Variants in RMI1 observed in about 807,000 individuals in gnomAD.
RMI1 encodes RecQ mediated genome instability 1, also known as recQ-mediated genome instability protein 1.
A neutral mutation model predicts 46.7 loss-of-function variants in RMI1; 36 were observed. The observed-to-expected ratio is 0.77, with a 90% confidence interval of 0.59 to 1.02. The LOEUF (loss-of-function observed/expected upper bound fraction) is 1.02. Ranked by LOEUF, RMI1 falls within the 50% of genes least tolerant of loss-of-function variation. The pLI is 0.00. For synonymous variants in RMI1, 250 were observed against 252.9 expected (o/e 0.99, Z 0.11); for missense variants, 676 against 713.7 (o/e 0.95, Z 0.60).
At chr9:83,995,711 A>C (rs1363141004) in intron 1 of RMI1, among the ~76,000 whole-genome samples, 1 of 152,212 alleles carries the variant, frequency 6.6e-6, no homozygotes, top group Non-Finnish European at 1.5e-5. Context: ...TACAGGCGTG[A>C]GCCACTGCGC....
intron 1 of RMI1, among the ~76,000 whole-genome samples, chr9:83,981,285 G>C (rs1020792285): frequency 6.6e-6 from 1 of 152,194 alleles, no homozygotes; most frequent in African/African-American, 2.4e-5. Flanking sequence ...TTGTAGTGTC[G>C]TCGCTGTAGT....
At chr9:83,981,292 T>G (rs565341433) in intron 1 of RMI1, among the ~76,000 whole-genome samples, 269 of 152,378 alleles carry the variant, frequency 1.8e-3, no homozygotes, top group African/African-American at 6.3e-3. Context: ...GTCGTCGCTG[T>G]AGTTTATTCC....
intron 1 of RMI1, among the ~76,000 whole-genome samples, chr9:83,982,882 C>G (rs1213180986): frequency 6.6e-6 from 1 of 152,082 alleles, no homozygotes; most frequent in African/African-American, 2.4e-5. Context: ...CTTTTATTCT[C>G]TGTTTGAAAT....
At chr9:83,986,356 CTT>C (rs979038254) in intron 1 of RMI1, among the ~76,000 whole-genome samples, 32 of 152,156 alleles carry the variant, frequency 2.1e-4, no homozygotes, top group African/African-American at 7.7e-4. Context: ...GCAAACCACT[CTT>C]ATAGAATGGC....
intron 1 of RMI1, among the ~76,000 whole-genome samples, chr9:83,993,607 CA>C (rs766246747): frequency 6.6e-6 from 1 of 152,054 alleles, no homozygotes; most frequent in Non-Finnish European, 1.5e-5. Context: ...TAACAGTGCA[CA>C]GGGGTTTCAA....
At chr9:83,999,024 C>A (rs989510949) in intron 1 of RMI1, among the ~76,000 whole-genome samples, 1 of 152,010 alleles carries the variant, frequency 6.6e-6, no homozygotes, top group Non-Finnish European at 1.5e-5. Context: ...ACCTGTAGTC[C>A]CAGCTACTGG....
intron 1 of RMI1, among the ~76,000 whole-genome samples, chr9:83,988,260 A>C (rs983905096): frequency 6.6e-6 from 1 of 152,128 alleles, no homozygotes. Flanking sequence ...GCTGGGTTGT[A>C]TGGTAAGTAT....
At chr9:83,985,990 CAG>C (rs1957484627) in intron 1 of RMI1, among the ~76,000 whole-genome samples, 1 of 151,456 alleles carries the variant, frequency 6.6e-6, no homozygotes, top group South Asian at 2.1e-4. Flanking sequence ...GCCTGGGCGA[CAG>C]AGCAAGACTC....
intron 1 of RMI1, among the ~76,000 whole-genome samples, chr9:83,982,637 C>T (rs527697615): frequency 1.3e-5 from 2 of 152,098 alleles, no homozygotes; most frequent in East Asian, 3.9e-4. Flanking sequence ...CACTGCACTC[C>T]AGCCTGGGCG....
intron 1 of RMI1, among the ~76,000 whole-genome samples, chr9:83,993,334 T>A (rs1036368537): frequency 6.6e-6 from 1 of 152,208 alleles, no homozygotes; most frequent in African/African-American, 2.4e-5. Context: ...AGGATTTACT[T>A]CTTTTATAAT....
At chr9:83,995,340 T>G (rs1194694220) in intron 1 of RMI1, among the ~76,000 whole-genome samples, 1 of 152,078 alleles carries the variant, frequency 6.6e-6, no homozygotes, top group Non-Finnish European at 1.5e-5. Context: ...ACCTCTTCTA[T>G]TTTTTCTTTC....
chr9:83,987,081 T>G (rs1957501848), intron 1 of RMI1, among the ~76,000 whole-genome samples: 1 of 152,164 alleles, frequency 6.6e-6, no homozygotes. Flanking sequence ...CCCTTCGCTT[T>G]CCGATGGAGT....
At position 83,995,693 on chromosome 9, in the gene RMI1, G is replaced by T. The variant is rs373869870; in HGVS notation, c.-125-4016G>T. On this transcript the variant is annotated intron_variant, in intron 1 of 2. Coordinates refer to ENST00000445877, the MANE Select transcript of RMI1 (RefSeq NM_001358291.2). Reference sequence around the variant, plus strand: ...TCCACCCACCTCGGCCTCCCAGAGTGCTGGGATTACAGGCGTGAGCCACTG... The same window carrying T: ...TCCACCCACCTCGGCCTCCCAGAGTTCTGGGATTACAGGCGTGAGCCACTG... Among the ~76,000 whole-genome samples the T allele has an allele frequency of 5.3e-5, 8 of 152,302 alleles. No individual in the cohort carries two copies. In the East Asian group the frequency reaches 1.2e-3, roughly 22 times the overall value.
At chr9:83,982,741 G>A (rs1466427999) in intron 1 of RMI1, among the ~76,000 whole-genome samples, 1 of 151,738 alleles carries the variant, frequency 6.6e-6, no homozygotes, top group Non-Finnish European at 1.5e-5. Flanking sequence ...CCCGACTGGT[G>A]TAAATTATTC....
At position 84,002,022 on chromosome 9, in the gene RMI1, G is replaced by A. The variant is rs868282159; in HGVS notation, c.1036G>A (p.Asp346Asn). 6.8e-6 allele frequency: 11 copies of A among 1,613,830 alleles called. No homozygotes were observed. The highest frequency in any genetic ancestry group is 6.7e-5 in the African/African-American group (5 of 74,916). ...LQPLTFNRNA[D>N]RSIERFSHNP... ...ACCATTGACTTTTAACAGAAATGCC[G>A]ATCGAAGTATAGAGAGATTTTCACA... The change falls in exon 3 of 3, where the codon GAT becomes AAT. Residue 346 changes from aspartate to asparagine, a missense_variant. Asp to Asn is a conservative substitution (Grantham distance 23, BLOSUM62 1). Transcript: ENST00000445877.
upstream of RMI1, chr9:83,980,385 C>T (rs1298570912): frequency 6.6e-6 from 1 of 152,634 alleles, no homozygotes; most frequent in Admixed American, 6.5e-5. Flanking sequence ...TCCCTTCGGG[C>T]TGGGAGGCCA....
chr9:83,990,085 G>A (rs554281730), intron 1 of RMI1, among the ~76,000 whole-genome samples: 4 of 152,190 alleles, frequency 2.6e-5, no homozygotes, highest in Non-Finnish European at 4.4e-5. Context: ...AGCCAAGCAC[G>A]GACATGTTGC....
chr9:83,984,286 T>G (rs971998565), intron 1 of RMI1, among the ~76,000 whole-genome samples: 3 of 151,736 alleles, frequency 2.0e-5, no homozygotes, highest in African/African-American at 4.8e-5. Context: ...TTTTTTTTTT[T>G]GAGACTGAGT....
At chr9:83,989,100 C>T (rs1957531567) in intron 1 of RMI1, among the ~76,000 whole-genome samples, 1 of 152,146 alleles carries the variant, frequency 6.6e-6, no homozygotes, top group African/African-American at 2.4e-5. Context: ...CTCAAGTGAT[C>T]CTCCTGCCTT....
Sources: gnomAD v4.1 joint callset for allele counts (sites outside exome capture counted in the v4.1 genomes callset) on GRCh38, gnomAD v4.1.1 for gene constraint, MANE v1.5 for transcripts, NCBI Gene and HGNC (gene_info 2026-07-23, HGNC 2026-07-21) for gene names.